Variants in STYXL1 observed in about 807,000 individuals in gnomAD.
STYXL1 encodes serine/threonine/tyrosine-interacting-like protein 1.
In STYXL1, 32 loss-of-function variants were observed where a neutral mutation model predicts 36.4. That is an observed-to-expected ratio of 0.88 (90% CI 0.66 to 1.18). The LOEUF (loss-of-function observed/expected upper bound fraction) is 1.18. STYXL1 is among the 50% of genes most tolerant of loss of function. The pLI, the probability that STYXL1 is intolerant of heterozygous loss-of-function variation, is 0.00. For missense variants in STYXL1, 354 were observed against 394.1 expected, an observed-to-expected ratio of 0.90 and a Z score of 0.86; for synonymous variants, 133 against 144.1, an observed-to-expected ratio of 0.92 and a Z score of 0.55.
At chr7:76,038,479 G>A (rs1796152494) in intron 1 of STYXL1, among the ~76,000 whole-genome samples, 1 of 129,332 alleles carries the variant, frequency 7.7e-6, no homozygotes, top group African/African-American at 2.7e-5. Context: ...AGGCTGGAGT[G>A]CAGTGGCACG....
rs1554578892 is a variant in STYXL1, at chr7:76,030,402, C to CT, written c.103+18dup. ...AGGACACTGTGTTTGACCTCCTCCG[C>CT]TTTTTTCCAAGTACTTACCCAATAA... is the stretch of plus-strand genomic sequence containing the variant. On this transcript the variant is annotated intron_variant, in intron 2 of 8. Transcript: ENST00000359697. 6.3e-6 allele frequency: 10 copies of CT among 1,586,828 alleles called. No individual in the cohort carries two copies. In the East Asian group the frequency reaches 1.6e-4, roughly 25 times the overall value.
At chr7:76,029,017 C>T (rs1288463622) in intron 2 of STYXL1, among the ~76,000 whole-genome samples, 3 of 151,730 alleles carry the variant, frequency 2.0e-5, no homozygotes, top group Non-Finnish European at 2.9e-5. Context: ...CAGCTACTCA[C>T]GAGGCTGAAG....
chr7:76,019,927 C>CAAAA (rs58018497), intron 4 of STYXL1, among the ~76,000 whole-genome samples: 7 of 82,304 alleles, frequency 8.5e-5, no homozygotes, highest in Non-Finnish European at 1.5e-4. Flanking sequence ...GACCCTGACT[C>CAAAA]AAAAAAAAAA....
At chr7:76,014,437 C>G (rs946615146) in intron 4 of STYXL1, among the ~76,000 whole-genome samples, 12 of 151,794 alleles carry the variant, frequency 7.9e-5, no homozygotes, top group Admixed American at 7.9e-4. Flanking sequence ...CTGCAACCTC[C>G]AGCTCCTGGG....
At chr7:76,040,780 G>C (rs1483324669) in intron 1 of STYXL1, among the ~76,000 whole-genome samples, 3 of 148,582 alleles carry the variant, frequency 2.0e-5, no homozygotes, top group Non-Finnish European at 3.0e-5. Flanking sequence ...AGGTTGCAGT[G>C]AGCTGAAATC....
Position 76,047,984 on chromosome 7 carries a change from T to C in STYXL1, c.-327A>G, listed in dbSNP as rs1371598062. The C allele has an allele frequency of 6.7e-7, 1 of 1,485,296 alleles. No homozygotes were observed. Among genetic ancestry groups the C allele is most frequent in the Non-Finnish European group, 8.9e-7 (1 of 1,118,492 alleles). 92.0% of individuals were successfully genotyped at this position (1,485,296 alleles called of 1,614,324 possible). A position where few individuals can be genotyped will look rare whatever the true frequency, so the allele number is the denominator to read the frequency against. On this transcript the variant is annotated 5_prime_UTR_variant, in exon 1 of 9. Transcript: ENST00000359697. ...GCCAGGATGGTCCCACAGCTTTCCTTTCCGACTCCCGGAAGTGGCCGTGAT... is the reference window on the plus strand; with the variant it reads ...GCCAGGATGGTCCCACAGCTTTCCTCTCCGACTCCCGGAAGTGGCCGTGAT...
intron 4 of STYXL1, among the ~76,000 whole-genome samples, chr7:76,014,123 C>T (rs542621353): frequency 2.7e-5 from 4 of 150,908 alleles, no homozygotes; most frequent in African/African-American, 7.3e-5. Context: ...GGACTACAGG[C>T]GCCCACCATG....
intron 1 of STYXL1, among the ~76,000 whole-genome samples, chr7:76,047,425 G>C (rs1285933814): frequency 6.6e-6 from 1 of 152,206 alleles, no homozygotes; most frequent in Admixed American, 6.5e-5. Context: ...GGGCAGGCGA[G>C]AGAAGACAGG....
chr7:76,036,323 A>T (rs1795907416), intron 1 of STYXL1, among the ~76,000 whole-genome samples: 1 of 148,828 alleles, frequency 6.7e-6, no homozygotes, highest in South Asian at 2.2e-4. Context: ...CTGGCCTCGA[A>T]CTCCTGACCT....
At chr7:76,038,656 G>C (rs1417024516) in intron 1 of STYXL1, among the ~76,000 whole-genome samples, 4 of 151,748 alleles carry the variant, frequency 2.6e-5, no homozygotes, top group Non-Finnish European at 5.9e-5. Context: ...TCGATCTCCT[G>C]ACCTCATGAT....
chr7:76,000,418 A>C (rs1370955288), intron 8 of STYXL1: 3 of 456,648 alleles, frequency 6.6e-6, no homozygotes, highest in Admixed American at 4.7e-5. Flanking sequence ...AGGCTGTGAC[A>C]GGCAGGGCAG....
In STYXL1 at chr7:76,000,906, T is replaced by C; in HGVS notation, c.794A>G (p.Asn265Ser). The change falls in exon 8 of 9, where the codon AAC becomes AGC. Residue 265 changes from asparagine to serine, a missense_variant. Transcript: ENST00000359697. ...AACGCATACCTGCAAGGTCTGCTCG[T>C]TACTATGCATGAGGTAGGCTATGAT... is the stretch of plus-strand genomic sequence containing the variant. ...AAIIAYLMHS[N>S]EQTLQRSWAY... 6.2e-7 allele frequency: 1 copy of C among 1,614,084 alleles called. No homozygotes were observed. Among genetic ancestry groups the C allele is most frequent in the Non-Finnish European group, 8.5e-7 (1 of 1,179,944 alleles).
intron 1 of STYXL1, among the ~76,000 whole-genome samples, chr7:76,032,333 G>T (rs1795449830): frequency 1.3e-5 from 2 of 151,560 alleles, no homozygotes; most frequent in Admixed American, 1.3e-4. Context: ...CTGGGAGGTG[G>T]GGCTGCAGTA....
chr7:76,016,178 T>G lies in STYXL1; in HGVS notation c.308-2291A>C, dbSNP rs182636894. Among the ~76,000 whole-genome samples, 256 of 151,978 alleles carry G rather than the reference T, an allele frequency of 1.7e-3. 2 individuals carry two copies. The highest frequency in any genetic ancestry group is 0.014 in the Middle Eastern group (4 of 290). ...GATATAAGTATATACATATGTACAT[T>G]TATAGATATATGTATATCTATACAT... On this transcript the variant is annotated intron_variant, in intron 4 of 8. Transcript: ENST00000359697.
Position 76,000,994 on chromosome 7 carries a change from G to A in STYXL1, c.706C>T (p.His236Tyr), listed in dbSNP as rs782142815. Residue 236 changes from histidine (H) to tyrosine (Y), a missense_variant, in exon 8 of 9, where the codon CAT (histidine) becomes TAT (tyrosine). Coordinates refer to ENST00000359697, the MANE Select transcript of STYXL1 (RefSeq NM_001317785.2). ...ATCAGAATGACAGAGCCAAGGTGAT[G>A]GTGAATTTCTGCAAAAAGAAGTGGG... ...RHMCHFIEIH[H>Y]HLGSVILIFS... The A allele has an allele frequency of 1.9e-6, 3 of 1,613,996 alleles. No individual in the cohort carries two copies. Among genetic ancestry groups the A allele is most frequent in the South Asian group, 2.2e-5 (2 of 91,086 alleles).
At chr7:76,016,287 T>G (rs1793318559) in intron 4 of STYXL1, among the ~76,000 whole-genome samples, 1 of 151,730 alleles carries the variant, frequency 6.6e-6, no homozygotes, top group African/African-American at 2.4e-5. Flanking sequence ...TATATGTATA[T>G]CTATACATAC....
chr7:76,001,393 C>T (rs1554567314), intron 7 of STYXL1, among the ~76,000 whole-genome samples: 2 of 152,238 alleles, frequency 1.3e-5, no homozygotes, highest in Non-Finnish European at 2.9e-5. Flanking sequence ...CTGACTGCCA[C>T]TCACTGGCCG....
chr7:76,027,211 CA>C (rs1330153053), intron 3 of STYXL1, among the ~76,000 whole-genome samples: 5 of 151,998 alleles, frequency 3.3e-5, no homozygotes, highest in Non-Finnish European at 7.4e-5. Context: ...AGGGAGAAGA[CA>C]CCCTGGAGGC....
intron 8 of STYXL1, chr7:76,000,370 C>T: frequency 2.2e-6 from 1 of 455,274 alleles, no homozygotes; most frequent in Non-Finnish European, 4.4e-6. Context: ...AATGTTGGGG[C>T]TTTGTAGGTC....
Sources: gnomAD v4.1 joint callset for allele counts (sites outside exome capture counted in the v4.1 genomes callset) on GRCh38, gnomAD v4.1.1 for gene constraint, MANE v1.5 for transcripts, NCBI Gene and HGNC (gene_info 2026-07-23, HGNC 2026-07-21) for gene names.